Variants in SLC12A8 observed in about 807,000 individuals in gnomAD.
SLC12A8 encodes the protein solute carrier family 12 member 8.
A neutral mutation model predicts 75.6 loss-of-function variants in SLC12A8; 69 were observed. The observed-to-expected ratio is 0.91, with a 90% CI of 0.75 to 1.11. SLC12A8 has a LOEUF of 1.11. SLC12A8 is among the 50% of genes most tolerant of loss of function. SLC12A8 has a pLI of 0.00. For synonymous variants in SLC12A8, 365 were observed against 372.8 expected (o/e 0.98, Z 0.24); for missense variants, 877 against 896.7 (o/e 0.98, Z 0.28).
intron 4 of SLC12A8, among the ~76,000 whole-genome samples, chr3:125,181,945 G>C (rs1355244797): frequency 2.0e-5 from 3 of 152,178 alleles, no homozygotes. Context: ...TCTGCACTTT[G>C]GGAGACCAAG....
rs770679226 is a variant in SLC12A8, at chr3:125,190,363, C to T, written c.198+12G>A. The T allele has an allele frequency of 9.9e-6, 16 of 1,613,902 alleles. No homozygotes were observed. The highest frequency in any genetic ancestry group is 1.6e-4 in the Middle Eastern group (1 of 6,062). On this transcript the variant is annotated intron_variant, in intron 3 of 13. Coordinates refer to ENST00000469902, the MANE Select transcript of SLC12A8 (RefSeq NM_024628.6). ...CCCGTGAGAGGCTCCAGGCCACCAA[C>T]TCAGCACTCACCACCAGCCAGCCAG...
At chr3:125,106,332 T>TA (rs1343235796) in intron 10 of SLC12A8, among the ~76,000 whole-genome samples, 8 of 151,656 alleles carry the variant, frequency 5.3e-5, no homozygotes, top group African/African-American at 1.9e-4. Context: ...TGGGAGAACT[T>TA]AAAACACTAG....
Position 125,121,462 on chromosome 3 carries a change from G to A in SLC12A8, c.737-776C>T, listed in dbSNP as rs543830597. 1.7e-4 allele frequency among the ~76,000 whole-genome samples: 26 copies of A among 152,334 alleles called. 1 individual carries two copies. Among genetic ancestry groups the A allele is most frequent in the African/African-American group, 6.3e-4 (26 of 41,580 alleles). On this transcript the variant is annotated intron_variant, in intron 6 of 13. Coordinates refer to ENST00000469902, the MANE Select transcript of SLC12A8 (RefSeq NM_024628.6). ...TGGTCAGGAAAGACCCGTGGAGGGGGTTGTATCTTGAATGTGGCCTTGAAA... is the reference window on the plus strand; with the variant it reads ...TGGTCAGGAAAGACCCGTGGAGGGGATTGTATCTTGAATGTGGCCTTGAAA...
chr3:125,103,466 A>G lies in SLC12A8; in HGVS notation c.1705+4015T>C, dbSNP rs536567949. On this transcript the variant is annotated intron_variant, in intron 10 of 13. Transcript: ENST00000469902. ...GTTTTTTAGTACTTCACTTAAAAAAAAAAAAAAAAAAAAAGAGAGACAGAG... is the reference window on the plus strand; with the variant it reads ...GTTTTTTAGTACTTCACTTAAAAAAGAAAAAAAAAAAAAAGAGAGACAGAG... Among the ~76,000 whole-genome samples the G allele has an allele frequency of 6.6e-5, 10 of 151,358 alleles. No individual in the cohort carries two copies. The East Asian group carries it at 1.7e-3, about 26-fold the overall frequency.
chr3:125,107,929 C>CCGGT lies in SLC12A8; in HGVS notation c.1256_1257insACCG (p.Leu420ProfsTer13). The CCGGT allele has an allele frequency of 9.3e-6, 15 of 1,614,206 alleles. No homozygotes were observed. Among genetic ancestry groups the CCGGT allele is most frequent in the Non-Finnish European group, 1.0e-5 (12 of 1,180,042 alleles). Reference sequence around the variant, plus strand: ...GGAGGCCTTCTGCGCCCTCCCTGAGCACCGGCTCAGGCACCGGGGTCAGGC... The same window carrying CCGGT: ...GGAGGCCTTCTGCGCCCTCCCTGAGCCGGTACCGGCTCAGGCACCGGGGTCAGGC... On this transcript the variant is annotated frameshift_variant, in exon 10 of 14. Transcript: ENST00000469902. LOFTEE classifies it high-confidence loss of function.
intron 6 of SLC12A8, among the ~76,000 whole-genome samples, chr3:125,130,031 T>C (rs1011395670): frequency 2.6e-5 from 4 of 152,134 alleles, no homozygotes; most frequent in Non-Finnish European, 5.9e-5. Context: ...TTCACCTCAG[T>C]TGGGCCAATG....
intron 8 of SLC12A8, among the ~76,000 whole-genome samples, chr3:125,115,013 TA>T (rs1245529642): frequency 2.0e-5 from 3 of 152,206 alleles, no homozygotes; most frequent in Non-Finnish European, 4.4e-5. Flanking sequence ...GTTCCTAAAA[TA>T]AATGTCTTGA....
intron 4 of SLC12A8, among the ~76,000 whole-genome samples, chr3:125,180,109 C>T (rs1209924251): frequency 6.6e-6 from 1 of 151,948 alleles, no homozygotes; most frequent in East Asian, 1.9e-4. Context: ...TTCCCAGTAA[C>T]TCCAGTGGAT....
At chr3:125,084,181 T>A in intron 13 of SLC12A8, 129 bp from the exon 14 acceptor site, 1 of 735,624 alleles carries the variant, frequency 1.4e-6, no homozygotes, top group Non-Finnish European at 2.2e-6. Flanking sequence ...AACATAATTC[T>A]TGAAAGGTAT....
In SLC12A8 at chr3:125,201,028, A is replaced by G. The variant is rs1935109617; in HGVS notation, c.51+10271T>C. Reference sequence around the variant, plus strand: ...ACATGCTAGAATTTTTACACAGGTGAGTGGTTTTTACCACACTACCCTTTT... The same window carrying G: ...ACATGCTAGAATTTTTACACAGGTGGGTGGTTTTTACCACACTACCCTTTT... On this transcript the variant is annotated intron_variant, in intron 2 of 13. Transcript: ENST00000469902. Among the ~76,000 whole-genome samples the G allele has an allele frequency of 3.9e-5, 6 of 152,198 alleles. No individual in the cohort carries two copies. The South Asian group carries it at 1.2e-3, about 32-fold the overall frequency.
At chr3:125,188,014 T>C (rs1047039223) in intron 3 of SLC12A8, among the ~76,000 whole-genome samples, 7 of 152,128 alleles carry the variant, frequency 4.6e-5, no homozygotes, top group Non-Finnish European at 8.8e-5. Context: ...TGATATGGTT[T>C]AGATGTTTGG....
intron 10 of SLC12A8, 79 bp downstream of exon 10, chr3:125,107,402 G>T: frequency 7.6e-7 from 1 of 1,319,408 alleles, no homozygotes; most frequent in Non-Finnish European, 1.1e-6. Context: ...GTTATAACTG[G>T]TTCACAATAA....
At chr3:125,195,672 A>C (rs933644567) in intron 2 of SLC12A8, among the ~76,000 whole-genome samples, 11 of 151,496 alleles carry the variant, frequency 7.3e-5, no homozygotes, top group Non-Finnish European at 1.5e-4. Flanking sequence ...TGACCTGGTC[A>C]CACATGGCTC....
intron 5 of SLC12A8, among the ~76,000 whole-genome samples, chr3:125,173,546 TGTC>T (rs1274128655): frequency 1.3e-5 from 2 of 149,168 alleles, no homozygotes; most frequent in African/African-American, 5.0e-5. Context: ...TAGACCTAAA[TGTC>T]AAACAAAACT....
intron 2 of SLC12A8, among the ~76,000 whole-genome samples, chr3:125,209,152 A>ATT (rs996516268): frequency 6.6e-6 from 1 of 152,186 alleles, no homozygotes; most frequent in Non-Finnish European, 1.5e-5. Context: ...AGCTTCCAGC[A>ATT]TTTTAGCCAC....
At chr3:125,150,764 T>C (rs1933901129) in intron 5 of SLC12A8, among the ~76,000 whole-genome samples, 1 of 152,170 alleles carries the variant, frequency 6.6e-6, no homozygotes, top group South Asian at 2.1e-4. Context: ...AGACGAGGTT[T>C]GGACTACTGC....
chr3:125,103,245 G>A (rs998115103), intron 10 of SLC12A8, among the ~76,000 whole-genome samples: 2 of 151,862 alleles, frequency 1.3e-5, no homozygotes, highest in Non-Finnish European at 2.9e-5. Flanking sequence ...CAGAATGCCC[G>A]TACCTATCTG....
intron 6 of SLC12A8, among the ~76,000 whole-genome samples, chr3:125,122,585 C>T (rs989451919): frequency 6.6e-6 from 1 of 152,146 alleles, no homozygotes; most frequent in Non-Finnish European, 1.5e-5. Flanking sequence ...AAGAAAGCCT[C>T]GGAATGCTTC....
At chr3:125,170,922 AAAAG>A (rs938066661) in intron 5 of SLC12A8, among the ~76,000 whole-genome samples, 9 of 152,314 alleles carry the variant, frequency 5.9e-5, no homozygotes, top group Non-Finnish European at 8.8e-5. Flanking sequence ...CTCAAACAAA[AAAAG>A]AAAGAAAGAA....
Sources: gnomAD v4.1 joint callset for allele counts (sites outside exome capture counted in the v4.1 genomes callset) on GRCh38, gnomAD v4.1.1 for gene constraint, MANE v1.5 for transcripts, NCBI Gene and HGNC (gene_info 2026-07-23, HGNC 2026-07-21) for gene names.